The following DOK6 variants were observed in gnomAD, a reference collection of about 807,000 sequenced individuals.
DOK6 encodes downstream of tyrosine kinase 6.
DOK6 carries 22 observed loss-of-function variants against 44.0 expected under a neutral mutation model. That is an observed-to-expected ratio of 0.50 (90% CI 0.36 to 0.71). The LOEUF (loss-of-function observed/expected upper bound fraction) is 0.71, where lower values mean the gene tolerates loss of function less well. DOK6 is among the 30% of genes least tolerant of loss of function. The pLI, the probability that DOK6 is intolerant of heterozygous loss-of-function variation, is 0.00. For synonymous variants in DOK6, 166 were observed against 145.5 expected (o/e 1.14, Z -1.01); for missense variants, 340 against 416.4 (o/e 0.82, Z 1.60).
chr18:69,443,670 G>A lies in DOK6; in HGVS notation c.66+42360G>A, dbSNP rs374253784. Among the ~76,000 whole-genome samples, 194 of 152,152 alleles carry A rather than the reference G, an allele frequency of 1.3e-3. 1 individual carries two copies. In the South Asian group the frequency reaches 0.02, roughly 16 times the overall value. On this transcript the variant is annotated intron_variant, in intron 1 of 7. Coordinates refer to ENST00000382713, the MANE Select transcript of DOK6 (RefSeq NM_152721.6). Reference sequence around the variant, plus strand: ...GGAGCCGTCTCTTACTTGTATCTCCGGCATTTTCTTGTGTTACTTTCTATC... The same window carrying A: ...GGAGCCGTCTCTTACTTGTATCTCCAGCATTTTCTTGTGTTACTTTCTATC...
chr18:69,675,863 T>C (rs1295792295), intron 3 of DOK6, among the ~76,000 whole-genome samples: 8 of 152,240 alleles, frequency 5.3e-5, no homozygotes, highest in African/African-American at 1.4e-4. Context: ...TATGCTTTTG[T>C]TGCTCCTATA....
Position 69,844,595 on chromosome 18 carries a change from A to G in DOK6, c.*3212A>G, listed in dbSNP as rs1433687047. 4 of 152,344 alleles carry G rather than the reference A, an allele frequency of 2.6e-5. No individual in the cohort carries two copies. In the South Asian group the frequency reaches 6.2e-4, roughly 24 times the overall value. 9.4% of individuals were successfully genotyped at this position (152,344 alleles called of 1,614,324 possible). A position where few individuals can be genotyped will look rare whatever the true frequency, so the allele number is the denominator to read the frequency against. ...TGGGGGCAGAGGCGGAAAAGAAAAC[A>G]CATCTTTCACTTACTTATTGAACAA... On this transcript the variant is annotated 3_prime_UTR_variant, in exon 8 of 8. Transcript: ENST00000382713.
At chr18:69,514,170 T>C (rs1438781054) in intron 1 of DOK6, among the ~76,000 whole-genome samples, 4 of 152,062 alleles carry the variant, frequency 2.6e-5, no homozygotes, top group African/African-American at 4.8e-5. Flanking sequence ...TAAGTATGCA[T>C]TTTGATTTCT....
intron 7 of DOK6, among the ~76,000 whole-genome samples, chr18:69,839,271 C>A: frequency 6.6e-6 from 1 of 151,162 alleles, no homozygotes; most frequent in Middle Eastern, 3.4e-3. Flanking sequence ...CTAACCCCTC[C>A]CCTAACTCCT....
At chr18:69,744,626 A>G (rs1455753507) in intron 6 of DOK6, among the ~76,000 whole-genome samples, 2 of 152,126 alleles carry the variant, frequency 1.3e-5, no homozygotes, top group Non-Finnish European at 2.9e-5. Context: ...CTAAACAACA[A>G]CAACAAAACC....
At chr18:69,760,428 G>A (rs532790366) in intron 7 of DOK6, among the ~76,000 whole-genome samples, 6 of 152,080 alleles carry the variant, frequency 3.9e-5, no homozygotes, top group South Asian at 2.1e-4. Flanking sequence ...AGAAGCGAGA[G>A]TTTATTAAAA....
At chr18:69,520,618 T>G (rs557606444) in intron 1 of DOK6, among the ~76,000 whole-genome samples, 1 of 152,054 alleles carries the variant, frequency 6.6e-6, no homozygotes, top group East Asian at 1.9e-4. Flanking sequence ...TGCAAAAAAT[T>G]ATTCAAATTT....
At chr18:69,759,987 T>G (rs1320885148) in intron 7 of DOK6, among the ~76,000 whole-genome samples, 1 of 152,194 alleles carries the variant, frequency 6.6e-6, no homozygotes, top group African/African-American at 2.4e-5. Context: ...GAGCAATACG[T>G]TTTACCACCC....
intron 1 of DOK6, among the ~76,000 whole-genome samples, chr18:69,509,657 A>AC (rs1981308233): frequency 1.7e-5 from 2 of 118,384 alleles, no homozygotes; most frequent in Non-Finnish European, 4.2e-5. Flanking sequence ...AAAAAAAAAA[A>AC]AAAAAACACA....
chr18:69,781,084 C>T (rs924994227), intron 7 of DOK6, among the ~76,000 whole-genome samples: 4 of 152,204 alleles, frequency 2.6e-5, no homozygotes, highest in African/African-American at 9.6e-5. Context: ...AGAGAAAACA[C>T]TCTGAAAATA....
At chr18:69,474,961 A>G (rs1170005697) in intron 1 of DOK6, among the ~76,000 whole-genome samples, 1 of 152,194 alleles carries the variant, frequency 6.6e-6, no homozygotes, top group African/African-American at 2.4e-5. Context: ...AAAATGATTC[A>G]TATTTAAAAT....
chr18:69,771,417 G>T (rs1599316692), intron 7 of DOK6, among the ~76,000 whole-genome samples: 3 of 152,064 alleles, frequency 2.0e-5, no homozygotes, highest in African/African-American at 7.2e-5. Context: ...TTGCTCTATT[G>T]TTTAGCATGC....
intron 1 of DOK6, among the ~76,000 whole-genome samples, chr18:69,436,379 A>G (rs1419745495): frequency 6.6e-6 from 1 of 151,472 alleles, no homozygotes; most frequent in Non-Finnish European, 1.5e-5. Flanking sequence ...CCATGTGTTC[A>G]TTGTTCAACT....
chr18:69,749,362 C>A (rs577661288), intron 6 of DOK6, among the ~76,000 whole-genome samples: 1 of 151,944 alleles, frequency 6.6e-6, no homozygotes, highest in African/African-American at 2.4e-5. Flanking sequence ...AGCTTTTAAA[C>A]GAATTTGCAG....
Position 69,845,019 on chromosome 18 carries a change from T to C in DOK6, c.*3636T>C, listed in dbSNP as rs2145144892. ...TCCAGTTTATTGCATGTCGTATCTT[T>C]ATTGTAGATATTAAAAACACATGAT... On this transcript the variant is annotated 3_prime_UTR_variant, in exon 8 of 8. Transcript: ENST00000382713. 6.6e-6 allele frequency: 1 copy of C among 152,318 alleles called. No homozygotes were observed. Among genetic ancestry groups the C allele is most frequent in the East Asian group, 1.9e-4 (1 of 5,190 alleles). 9.4% of individuals were successfully genotyped at this position (152,318 alleles called of 1,614,324 possible).
chr18:69,521,218 G>A (rs115504796), intron 1 of DOK6, among the ~76,000 whole-genome samples: 14 of 151,798 alleles, frequency 9.2e-5, no homozygotes, highest in African/African-American at 1.2e-4. Context: ...CCATGAATCC[G>A]AGTTTCTTAT....
chr18:69,816,946 C>T (rs1981415290), intron 7 of DOK6, among the ~76,000 whole-genome samples: 1 of 152,168 alleles, frequency 6.6e-6, no homozygotes, highest in Non-Finnish European at 1.5e-5. Flanking sequence ...AAAAGGAAAA[C>T]AGTCTGTATT....
At chr18:69,817,539 G>A (rs533707353) in intron 7 of DOK6, among the ~76,000 whole-genome samples, 153 of 152,172 alleles carry the variant, frequency 1.0e-3, no homozygotes, top group African/African-American at 3.4e-3. Context: ...TGTCCTACAG[G>A]GCCATTCCTT....
At chr18:69,612,458 C>CGCAG (rs1984177405) in intron 3 of DOK6, among the ~76,000 whole-genome samples, 3 of 62,696 alleles carry the variant, frequency 4.8e-5, no homozygotes, top group African/African-American at 6.5e-5. Flanking sequence ...TGTGTGCGAG[C>CGCAG]GTGCATATGT....
Sources: allele counts gnomAD v4.1 joint callset (sites outside exome capture counted in the v4.1 genomes callset), GRCh38; gene constraint gnomAD v4.1.1; transcripts MANE v1.5; gene names NCBI Gene and HGNC (gene_info 2026-07-23, HGNC 2026-07-21).